MOBP: variants seen among roughly 807,000 people sequenced by gnomAD.
MOBP encodes the protein myelin-associated oligodendrocyte basic protein.
MOBP carries 5 observed loss-of-function variants against 15.0 expected under a neutral mutation model. The ratio of observed to expected loss-of-function variants is 0.33; its 90% CI spans 0.17 to 0.70. MOBP has a LOEUF of 0.70. Among genes scored for constraint, MOBP ranks in the 30% least tolerant of loss-of-function variants. The probability of loss-of-function intolerance (pLI) is 0.67; values close to 1 mark genes in which losing one functional copy is unlikely to be tolerated. For synonymous variants in MOBP, 88 were observed against 99.0 expected, an observed-to-expected ratio of 0.89 and a Z score of 0.66; for missense variants, 188 against 257.8, an observed-to-expected ratio of 0.73 and a Z score of 1.85.
At chr3:39,489,016 T>C (rs563142260) in intron 2 of MOBP, among the ~76,000 whole-genome samples, 1 of 152,324 alleles carries the variant, frequency 6.6e-6, no homozygotes, top group African/African-American at 2.4e-5. Flanking sequence ...AGGGCCTGCC[T>C]GGTCTTTCTC....
chr3:39,470,210 T>G (rs1039858125), intron 1 of MOBP, among the ~76,000 whole-genome samples: 5 of 152,184 alleles, frequency 3.3e-5, no homozygotes, highest in Non-Finnish European at 7.3e-5. Flanking sequence ...TGATCAAAAG[T>G]GTTTCCTACA....
exon 5 of MOBP, chr3:39,524,817 G>A (rs1223926807): frequency 6.6e-6 from 1 of 152,090 alleles, no homozygotes; most frequent in Non-Finnish European, 1.5e-5. Flanking sequence ...TCCACCAATA[G>A]AATGAGTGAA....
chr3:39,495,750 CAAAAAA>C (rs1179926622), intron 2 of MOBP, among the ~76,000 whole-genome samples: 1 of 60,190 alleles, frequency 1.7e-5, no homozygotes, highest in Non-Finnish European at 3.4e-5. Flanking sequence ...GAGACCTTGT[CAAAAAA>C]AAAAAAAAAA....
intron 2 of MOBP, among the ~76,000 whole-genome samples, chr3:39,488,403 C>T (rs375026861): frequency 5.9e-5 from 9 of 152,178 alleles, no homozygotes; most frequent in African/African-American, 2.2e-4. Context: ...ACATGATTGG[C>T]TGTCTACCTA....
chr3:39,478,090 A>G (rs6782984), intron 1 of MOBP, among the ~76,000 whole-genome samples: 3,173 of 152,284 alleles, frequency 0.021, 114 homozygotes, highest in African/African-American at 0.072. Flanking sequence ...TATAAAGTCT[A>G]TGGTGGTACA....
downstream of MOBP, chr3:39,528,567 A>C (rs1278123129): frequency 6.6e-6 from 1 of 152,264 alleles, no homozygotes; most frequent in East Asian, 1.9e-4. Flanking sequence ...TGTATTGATG[A>C]ACCCCAATTA....
chr3:39,518,927 A>T (rs1296772752), downstream of MOBP, among the ~76,000 whole-genome samples: 1 of 152,052 alleles, frequency 6.6e-6, no homozygotes, highest in Non-Finnish European at 1.5e-5. Context: ...ACACCTCAGC[A>T]CTCACAGGGG....
At chr3:39,496,559 T>C (rs1014084545) in intron 2 of MOBP, among the ~76,000 whole-genome samples, 4 of 151,886 alleles carry the variant, frequency 2.6e-5, no homozygotes, top group African/African-American at 9.7e-5. Context: ...AGTGCAGTGA[T>C]GTTGGCTCAC....
intron 2 of MOBP, among the ~76,000 whole-genome samples, chr3:39,492,101 G>T (rs1322114355): frequency 6.6e-6 from 1 of 152,170 alleles, no homozygotes; most frequent in Admixed American, 6.5e-5. Context: ...CGTAATGCAT[G>T]GGAACCAAAC....
intron 2 of MOBP, among the ~76,000 whole-genome samples, chr3:39,495,239 A>G (rs908249948): frequency 1.3e-5 from 2 of 152,228 alleles, no homozygotes; most frequent in African/African-American, 4.8e-5. Flanking sequence ...AACTGCATTA[A>G]AATGAGAAGC....
intron 1 of MOBP, among the ~76,000 whole-genome samples, chr3:39,476,112 A>G (rs906869608): frequency 6.6e-6 from 1 of 152,168 alleles, no homozygotes; most frequent in Non-Finnish European, 1.5e-5. Flanking sequence ...GACATCTCAG[A>G]TGGTGGGAGC....
chr3:39,492,119 A>G (rs146328266), intron 2 of MOBP, among the ~76,000 whole-genome samples: 26 of 152,340 alleles, frequency 1.7e-4, no homozygotes, highest in African/African-American at 5.8e-4. Context: ...AACATTTCCT[A>G]GAATAGATGT....
chr3:39,511,518 G>A (rs2043119372), intron 4 of MOBP, among the ~76,000 whole-genome samples: 1 of 152,202 alleles, frequency 6.6e-6, no homozygotes, highest in Non-Finnish European at 1.5e-5. Context: ...TGGAAGCAGA[G>A]TCTAAAGAGT....
At chr3:39,471,605 A>G (rs6810264) in intron 1 of MOBP, among the ~76,000 whole-genome samples, 19,806 of 152,018 alleles carry the variant, frequency 0.13, 1,441 homozygotes, top group Middle Eastern at 0.2. Flanking sequence ...GTCTCTGTCA[A>G]CCCCAAGTCT....
Position 39,475,492 on chromosome 3 carries a change from TGTG to T in MOBP, c.-88-4545_-88-4543del, listed in dbSNP as rs1019221586. Among the ~76,000 whole-genome samples the T allele has an allele frequency of 8.5e-4, 129 of 152,334 alleles. 1 individual carries two copies. The highest frequency in any genetic ancestry group is 3.1e-3 in the African/African-American group (127 of 41,576). ...CAATGATGCTTGCAGAAATTATTAT[TGTG>T]GTACTCTAATAGTGATTTTCTATTT... On this transcript the variant is annotated intron_variant, in intron 1 of 3. Coordinates refer to ENST00000684792, the MANE Select transcript of MOBP (RefSeq NM_001393704.1).
chr3:39,496,335 A>G (rs2042881653), intron 2 of MOBP, among the ~76,000 whole-genome samples: 1 of 150,988 alleles, frequency 6.6e-6, no homozygotes, highest in Admixed American at 6.6e-5. Flanking sequence ...AGTAGCTGGG[A>G]CTACAGGTGC....
At chr3:39,517,270 A>G (rs2043215303), downstream of MOBP, among the ~76,000 whole-genome samples, 1 of 152,220 alleles carries the variant, frequency 6.6e-6, no homozygotes. Context: ...TTCACCTTAC[A>G]TCACAGGATG....
chr3:39,479,824 G>C (rs942527867), intron 1 of MOBP, among the ~76,000 whole-genome samples: 19 of 147,930 alleles, frequency 1.3e-4, no homozygotes, highest in African/African-American at 4.7e-4. Context: ...TTTTTTTTCT[G>C]TATAATGTTA....
chr3:39,516,378 G>A (rs2043202816), downstream of MOBP, among the ~76,000 whole-genome samples: 1 of 152,186 alleles, frequency 6.6e-6, no homozygotes, highest in South Asian at 2.1e-4. Context: ...AGGCTCAGAT[G>A]AGAGGATCAG....
Sources: gnomAD v4.1 joint callset for allele counts (sites outside exome capture counted in the v4.1 genomes callset) on GRCh38, gnomAD v4.1.1 for gene constraint, MANE v1.5 for transcripts, NCBI Gene and HGNC (gene_info 2026-07-23, HGNC 2026-07-21) for gene names.